FSTL4: variants seen among roughly 807,000 people sequenced by gnomAD.
FSTL4 encodes the protein follistatin-related protein 4.
In FSTL4, 28 loss-of-function variants were observed where a neutral mutation model predicts 78.2. The ratio of observed to expected loss-of-function variants is 0.36; its 90% CI spans 0.27 to 0.49. FSTL4 has a LOEUF of 0.49. Ranked by LOEUF, FSTL4 falls within the 20% of genes least tolerant of loss-of-function variation. The pLI is 0.98. For synonymous variants in FSTL4, 422 were observed against 440.5 expected (o/e 0.96, Z 0.53); for missense variants, 922 against 1,084.9 (o/e 0.85, Z 2.11).
In FSTL4 at chr5:133,224,457, C is replaced by T. The variant is rs534623364; in HGVS notation, c.1313-241G>A. 3.3e-5 allele frequency: 13 copies of T among 391,794 alleles called. No homozygotes were observed. In the South Asian group the frequency reaches 8.3e-4, roughly 25 times the overall value. 24.3% of individuals were successfully genotyped at this position (391,794 alleles called of 1,614,324 possible). ...TCTTAAGTGAATCTTTGAAATCATG[C>T]CCTAGGACCACAGAAGCTAATGGAA... On this transcript the variant is annotated intron_variant, in intron 10 of 15. Transcript: ENST00000265342.
intron 6 of FSTL4, among the ~76,000 whole-genome samples, chr5:133,253,279 G>A (rs1169663452): frequency 6.6e-6 from 1 of 152,126 alleles, no homozygotes; most frequent in African/African-American, 2.4e-5. Context: ...TAAAAAATGA[G>A]ACAGCATCAT....
the FSTL4 span, among the ~76,000 whole-genome samples, chr5:133,634,743 T>C: frequency 6.6e-6 from 1 of 152,204 alleles, no homozygotes; most frequent in Admixed American, 6.5e-5. Flanking sequence ...CTGAGATTTG[T>C]GATATGTCAG....
At chr5:133,486,163 G>A (rs1758129765) in intron 3 of FSTL4, among the ~76,000 whole-genome samples, 1 of 152,072 alleles carries the variant, frequency 6.6e-6, no homozygotes, top group African/African-American at 2.4e-5. Flanking sequence ...AGACAGGATT[G>A]GGGGAAGGAA....
intron 3 of FSTL4, among the ~76,000 whole-genome samples, chr5:133,542,592 G>A (rs1759498824): frequency 6.6e-6 from 1 of 152,068 alleles, no homozygotes; most frequent in African/African-American, 2.4e-5. Flanking sequence ...ATTCTTTGTG[G>A]GAAGATTTCC....
At chr5:133,393,529 T>G (rs1168897357) in intron 4 of FSTL4, among the ~76,000 whole-genome samples, 1 of 152,130 alleles carries the variant, frequency 6.6e-6, no homozygotes, top group Non-Finnish European at 1.5e-5. Flanking sequence ...GAGAGATCCC[T>G]TTGCAAAGAC....
the FSTL4 span, among the ~76,000 whole-genome samples, chr5:133,618,032 G>A: frequency 1.3e-5 from 2 of 152,154 alleles, no homozygotes; most frequent in Non-Finnish European, 2.9e-5. Context: ...GTTATCCACG[G>A]GGATATGTTC....
chr5:133,610,034 T>G (rs1761058116), intron 1 of FSTL4, among the ~76,000 whole-genome samples: 1 of 152,210 alleles, frequency 6.6e-6, no homozygotes, highest in African/African-American at 2.4e-5. Flanking sequence ...GGTAGTTTTA[T>G]GAAACAATGA....
intron 7 of FSTL4, 96 bp from the exon 8 acceptor site, chr5:133,233,633 G>C: frequency 6.9e-7 from 1 of 1,458,774 alleles, no homozygotes; most frequent in Non-Finnish European, 9.5e-7. Context: ...CTGCAGCTGG[G>C]AGAGAGTTCC....
At chr5:133,370,658 C>T (rs1489738183) in intron 4 of FSTL4, among the ~76,000 whole-genome samples, 1 of 151,898 alleles carries the variant, frequency 6.6e-6, no homozygotes, top group Non-Finnish European at 1.5e-5. Flanking sequence ...GGTTTGGACT[C>T]CTGTCCCGCC....
At chr5:133,663,593 TGCACACGTG>T in the FSTL4 span, among the ~76,000 whole-genome samples, 1 of 152,250 alleles carries the variant, frequency 6.6e-6, no homozygotes, top group Non-Finnish European at 1.5e-5. Context: ...GTTCAATTGC[TGCACACGTG>T]GTCTCATTGT....
intron 3 of FSTL4, among the ~76,000 whole-genome samples, chr5:133,493,659 C>T (rs1002187487): frequency 9.9e-5 from 15 of 152,192 alleles, no homozygotes; most frequent in African/African-American, 1.4e-4. Flanking sequence ...CTGGGTCTGA[C>T]GCTGCCCCCT....
chr5:133,237,650 G>A (rs1458862882), intron 7 of FSTL4, among the ~76,000 whole-genome samples: 1 of 152,194 alleles, frequency 6.6e-6, no homozygotes, highest in Non-Finnish European at 1.5e-5. Flanking sequence ...AGCGCATATT[G>A]TTTTCTGGAT....
chr5:133,466,937 AGT>A (rs954482504), intron 3 of FSTL4, among the ~76,000 whole-genome samples: 4 of 148,436 alleles, frequency 2.7e-5, no homozygotes, highest in South Asian at 2.2e-4. Context: ...TGAGAATATG[AGT>A]GTGTGAGTAC....
chr5:133,405,963 G>A lies in FSTL4; in HGVS notation c.161-4977C>T, dbSNP rs537640951. ...TGCTATGTGCCAGTCCCGATTCCAG[G>A]TGCTGAGGATTCAGACAGAATAGGC... On this transcript the variant is annotated intron_variant, in intron 3 of 15. Coordinates refer to ENST00000265342, the MANE Select transcript of FSTL4 (RefSeq NM_015082.2). 2.0e-5 allele frequency among the ~76,000 whole-genome samples: 3 copies of A among 152,358 alleles called. No individual in the cohort carries two copies. The South Asian group carries it at 6.2e-4, about 32-fold the overall frequency.
At chr5:133,674,106 TC>T in the FSTL4 span, among the ~76,000 whole-genome samples, 1 of 152,130 alleles carries the variant, frequency 6.6e-6, no homozygotes, top group Non-Finnish European at 1.5e-5. Flanking sequence ...GCACGGGGGC[TC>T]CAGGTCACTA....
At chr5:133,439,630 C>T (rs979170146) in intron 3 of FSTL4, among the ~76,000 whole-genome samples, 2 of 152,210 alleles carry the variant, frequency 1.3e-5, no homozygotes, top group South Asian at 2.1e-4. Context: ...CCTCTTGGGG[C>T]TGATCTCTCC....
intron 4 of FSTL4, among the ~76,000 whole-genome samples, chr5:133,326,364 C>T (rs1257574143): frequency 6.6e-6 from 1 of 152,208 alleles, no homozygotes; most frequent in Non-Finnish European, 1.5e-5. Flanking sequence ...TTCTCACAAT[C>T]CCCAAACAAA....
intron 13 of FSTL4, among the ~76,000 whole-genome samples, chr5:133,215,487 C>T (rs1400082706): frequency 6.6e-6 from 1 of 152,072 alleles, no homozygotes. Context: ...TTAAATCACC[C>T]CCCAATCTGC....
At position 133,198,161 on chromosome 5, in the gene FSTL4, A is replaced by G. The variant is rs1345190486; in HGVS notation, c.*934T>C. 1.3e-5 allele frequency: 2 copies of G among 152,706 alleles called. No homozygotes were observed. Among genetic ancestry groups the G allele is most frequent in the Non-Finnish European group, 2.9e-5 (2 of 68,096 alleles). 9.5% of individuals were successfully genotyped at this position (152,706 alleles called of 1,614,324 possible). A position where few individuals can be genotyped will look rare whatever the true frequency, so the allele number is the denominator to read the frequency against. ...CACCCATACCTTGCCAGGCAAGCCC[A>G]GTCTGCCCTGAATCTGGGGTACCAG... is the stretch of plus-strand genomic sequence containing the variant. On this transcript the variant is annotated 3_prime_UTR_variant, in exon 16 of 16. Coordinates refer to ENST00000265342, the MANE Select transcript of FSTL4 (RefSeq NM_015082.2).
Sources: allele counts gnomAD v4.1 joint callset (sites outside exome capture counted in the v4.1 genomes callset), GRCh38; gene constraint gnomAD v4.1.1; transcripts MANE v1.5; gene names NCBI Gene and HGNC (gene_info 2026-07-23, HGNC 2026-07-21).